The following ANKRD30A variants were observed in gnomAD, a reference collection of about 807,000 sequenced individuals.
ANKRD30A encodes the protein ankyrin repeat domain 30A.
Under a neutral mutation model 166.3 loss-of-function variants are expected in ANKRD30A, and 170 were observed. The ratio of observed to expected loss-of-function variants is 1.02; its 90% CI spans 0.90 to 1.16. The LOEUF is 1.16. ANKRD30A is among the 50% of genes most tolerant of loss of function. ANKRD30A has a pLI of 0.00. For synonymous variants in ANKRD30A, 564 were observed against 508.9 expected, an observed-to-expected ratio of 1.11 and a Z score of -1.46; for missense variants, 1,630 against 1,518.0, an observed-to-expected ratio of 1.07 and a Z score of -1.23.
At chr10:37,220,189 T>A (rs1228685193) in intron 34 of ANKRD30A, among the ~76,000 whole-genome samples, 1 of 150,424 alleles carries the variant, frequency 6.6e-6, no homozygotes, top group Non-Finnish European at 1.5e-5. Context: ...TTTTAATAGA[T>A]TAACATTAAT....
chr10:37,248,249 G>A, the ANKRD30A span: 2 of 597,078 alleles, frequency 3.3e-6, no homozygotes, highest in Admixed American at 1.9e-5. Context: ...GGGTAAATAA[G>A]GTTGATCTCA....
chr10:37,212,399 G>T (rs1235652646), intron 31 of ANKRD30A, among the ~76,000 whole-genome samples: 1 of 152,010 alleles, frequency 6.6e-6, no homozygotes, highest in African/African-American at 2.4e-5. Context: ...AACATTCCAC[G>T]CTTATGGGTA....
At chr10:37,237,813 C>A in the ANKRD30A span, among the ~76,000 whole-genome samples, 1 of 152,156 alleles carries the variant, frequency 6.6e-6, no homozygotes, top group Non-Finnish European at 1.5e-5. Context: ...TGATTGATGT[C>A]ATGAAGACAA....
At chr10:37,263,295 C>A in the ANKRD30A span, among the ~76,000 whole-genome samples, 1 of 151,886 alleles carries the variant, frequency 6.6e-6, no homozygotes, top group Non-Finnish European at 1.5e-5. Flanking sequence ...AGACTGGTTT[C>A]ATGGAAGACA....
At position 37,197,554 on chromosome 10, in the gene ANKRD30A, A is replaced by C. The variant is rs372566690; in HGVS notation, c.2716+74A>C. ...CATTTTGATGGTCTTTCTATCCCCA[A>C]TGCTTTATTTTTTTCAACTTTGATG... On this transcript the variant is annotated intron_variant, in intron 29 of 35. Transcript: ENST00000361713. 1.6e-4 allele frequency: 250 copies of C among 1,599,892 alleles called. 1 individual carries two copies. The African/African-American group carries it at 1.7e-3, about 11-fold the overall frequency.
the ANKRD30A span, among the ~76,000 whole-genome samples, chr10:37,257,099 A>C: frequency 6.6e-6 from 1 of 151,868 alleles, no homozygotes; most frequent in Admixed American, 6.6e-5. Flanking sequence ...TCAGGGATTC[A>C]ACTTCTTCCT....
At chr10:37,149,873 C>G (rs1427268389) in intron 11 of ANKRD30A, 24 bp downstream of exon 11, 2 of 1,611,146 alleles carry the variant, frequency 1.2e-6, no homozygotes, top group Admixed American at 3.3e-5. Context: ...TTTAACTATG[C>G]AAAGACGAAT....
intron 27 of ANKRD30A, among the ~76,000 whole-genome samples, chr10:37,195,965 G>T (rs1304761350): frequency 6.6e-6 from 1 of 151,890 alleles, no homozygotes; most frequent in Admixed American, 6.6e-5. Context: ...AGAAGGAAAA[G>T]ATAAACAGAA....
chr10:37,193,170 T>A lies in ANKRD30A; in HGVS notation c.2542-16T>A. The A allele has an allele frequency of 6.2e-7, 1 of 1,611,680 alleles. No individual in the cohort carries two copies. Among genetic ancestry groups the A allele is most frequent in the Non-Finnish European group, 8.5e-7 (1 of 1,179,106 alleles). The stretch of plus-strand genomic sequence containing the variant: ...ATACATTGTATATTAATTGTTTTGT[T>A]TCTAAACCCATTTAGGCTCCCTGCA... On this transcript the variant is annotated splice_polypyrimidine_tract_variant and intron_variant, in intron 26 of 35. Coordinates refer to ENST00000361713, the MANE Select transcript of ANKRD30A (RefSeq NM_052997.3).
At chr10:37,190,235 C>T (rs1046552022) in intron 25 of ANKRD30A, among the ~76,000 whole-genome samples, 1 of 151,882 alleles carries the variant, frequency 6.6e-6, no homozygotes, top group African/African-American at 2.4e-5. Context: ...TGAGATTCAG[C>T]CGACTTGGGA....
At chr10:37,210,334 T>C (rs1049632846) in intron 31 of ANKRD30A, among the ~76,000 whole-genome samples, 1 of 152,198 alleles carries the variant, frequency 6.6e-6, no homozygotes, top group African/African-American at 2.4e-5. Flanking sequence ...ATGGTGTATA[T>C]GTGCCACATT....
chr10:37,221,026 A>G (rs984267304), intron 34 of ANKRD30A, among the ~76,000 whole-genome samples: 2 of 148,248 alleles, frequency 1.3e-5, no homozygotes, highest in African/African-American at 2.5e-5. Flanking sequence ...AGAATTTACC[A>G]CCATTAGTCC....
At chr10:37,220,030 A>ATATATATATATATATAT (rs1842831122) in intron 34 of ANKRD30A, 133 bp downstream of exon 34, 1 of 147,470 alleles carries the variant, frequency 6.8e-6, no homozygotes, top group Non-Finnish European at 1.2e-5. Flanking sequence ...TATATATATA[A>ATATATATATATATATAT]TATATGTATG....
intron 15 of ANKRD30A, among the ~76,000 whole-genome samples, chr10:37,161,538 T>A (rs1392529824): frequency 1.3e-5 from 2 of 152,152 alleles, no homozygotes; most frequent in Non-Finnish European, 2.9e-5. Context: ...TGTAGGCAGG[T>A]AATTCTGGAG....
At chr10:37,156,503 A>G (rs1838396132) in intron 13 of ANKRD30A, among the ~76,000 whole-genome samples, 1 of 152,240 alleles carries the variant, frequency 6.6e-6, no homozygotes. Flanking sequence ...TTAAGTGCCA[A>G]GTGATAAATG....
chr10:37,145,244 G>A (rs1423600385), intron 8 of ANKRD30A, among the ~76,000 whole-genome samples, 188 bp downstream of exon 8: 3 of 142,272 alleles, frequency 2.1e-5, no homozygotes, highest in Non-Finnish European at 3.1e-5. Flanking sequence ...CGGAAGGCCC[G>A]AGGTGGGAGG....
In ANKRD30A at chr10:37,219,862, A is replaced by G. The variant is rs1235756809; in HGVS notation, c.4150A>G (p.Ile1384Val). 1 of 1,541,226 alleles carries G rather than the reference A, an allele frequency of 6.5e-7. No individual in the cohort carries two copies. The highest frequency in any genetic ancestry group is 8.7e-7 in the Non-Finnish European group (1 of 1,144,300). ...TTACAATAACCATTTAAAAAACCGTATATATCAATATGAAAAAGAGAAAGC... is the reference window on the plus strand; with the variant it reads ...TTACAATAACCATTTAAAAAACCGTGTATATCAATATGAAAAAGAGAAAGC... ...FNYNNHLKNRIYQYEKEKAET... is the reference protein window; with the variant it reads ...FNYNNHLKNRVYQYEKEKAET... The change falls in exon 34 of 36, where the codon ATA becomes GTA. Residue 1384 changes from isoleucine to valine, a missense_variant. Around this residue, in one of 4 missense-constraint regions of ANKRD30A, gnomAD observed 712 missense variants for 629.3 expected, o/e 1.13. Transcript: ENST00000361713.
intron 34 of ANKRD30A, among the ~76,000 whole-genome samples, chr10:37,222,556 G>T (rs1842947626): frequency 6.6e-6 from 1 of 151,232 alleles, no homozygotes; most frequent in African/African-American, 2.4e-5. Context: ...TAACGCTGCT[G>T]TAAGCATTCA....
intron 32 of ANKRD30A, among the ~76,000 whole-genome samples, chr10:37,217,362 T>G (rs1367900305): frequency 6.6e-6 from 1 of 150,986 alleles, no homozygotes; most frequent in East Asian, 1.9e-4. Flanking sequence ...CTGTCCTCAT[T>G]GAGGAGTAAT....
Sources: allele counts gnomAD v4.1 joint callset (sites outside exome capture counted in the v4.1 genomes callset), GRCh38; gene constraint gnomAD v4.1.1; regional missense constraint gnomAD v4.1.1; transcripts MANE v1.5; gene names NCBI Gene and HGNC (gene_info 2026-07-23, HGNC 2026-07-21).